Variants in CYP3A43 observed in about 807,000 individuals in gnomAD.
CYP3A43 encodes cytochrome P450 3A43.
CYP3A43 carries 45 observed loss-of-function variants against 58.0 expected under a neutral mutation model. The observed-to-expected ratio is 0.78, with a 90% CI of 0.61 to 0.99. The LOEUF is 0.99. Ranked by LOEUF, CYP3A43 falls within the 50% of genes least tolerant of loss-of-function variation. CYP3A43 has a pLI of 0.00. For synonymous variants in CYP3A43, 191 were observed against 201.4 expected, an observed-to-expected ratio of 0.95 and a Z score of 0.44; for missense variants, 593 against 591.9, an observed-to-expected ratio of 1.00 and a Z score of -0.02.
At chr7:99,854,878 C>T (rs186269887) in intron 7 of CYP3A43, among the ~76,000 whole-genome samples, 239 of 152,040 alleles carry the variant, frequency 1.6e-3, no homozygotes, top group African/African-American at 5.5e-3. Context: ...TCTCTTTTCT[C>T]TCTCTCTCTT....
At position 99,849,607 on chromosome 7, in the gene CYP3A43, TC is replaced by T. The variant is rs755948200; in HGVS notation, c.584del (p.Ser195PhefsTer10). Reference protein sequence around the residue: ...TGTLFGVNLDSLNNPQDPFLK... With the variant: ...TGTLFGVNLDXLNNPQDPFLK... Reference sequence around the variant, plus strand: ...CACATTATTTGGAGTGAACTTGGATTCTCTCAACAATCCACAAGATCCCTTT... The same window carrying T: ...CACATTATTTGGAGTGAACTTGGATTTCTCAACAATCCACAAGATCCCTTT... On this transcript the variant is annotated frameshift_variant, in exon 7 of 13. Coordinates refer to ENST00000354829, the MANE Select transcript of CYP3A43 (RefSeq NM_057095.3). LOFTEE classifies it high-confidence loss of function. The T allele has an allele frequency of 1.9e-6, 3 of 1,613,128 alleles. No individual in the cohort carries two copies. Among genetic ancestry groups the T allele is most frequent in the Admixed American group, 1.7e-5 (1 of 59,818 alleles).
chr7:99,839,108 T>G lies in CYP3A43; in HGVS notation c.166-12T>G. On this transcript the variant is annotated splice_polypyrimidine_tract_variant and intron_variant, in intron 2 of 12. Transcript: ENST00000354829. ...AAATAATACTTGAATTGTATTTTGT[T>G]TCTTCTGCCAGGGTCTTTGGAATTT... is the stretch of plus-strand genomic sequence containing the variant. The G allele has an allele frequency of 6.2e-7, 1 of 1,614,222 alleles. No homozygotes were observed. Among genetic ancestry groups the G allele is most frequent in the Non-Finnish European group, 8.5e-7 (1 of 1,180,024 alleles).
intron 3 of CYP3A43, among the ~76,000 whole-genome samples, chr7:99,842,620 T>G (rs2151600337): frequency 6.6e-6 from 1 of 152,336 alleles, no homozygotes; most frequent in East Asian, 1.9e-4. Context: ...AAAAGTTATC[T>G]TGACTAAATT....
chr7:99,838,750 C>T (rs1207298937), intron 2 of CYP3A43: 1 of 1,019,686 alleles, frequency 9.8e-7, no homozygotes, highest in Non-Finnish European at 1.3e-6. Flanking sequence ...GAGGCTGAAG[C>T]AGGAGGATCA....
chr7:99,844,037 A>G, intron 3 of CYP3A43, 106 bp from the exon 4 acceptor site: 1 of 836,374 alleles, frequency 1.2e-6, no homozygotes, highest in Non-Finnish European at 1.9e-6. Context: ...CACAACTGCA[A>G]GTATGGATGA....
rs1217782184 is a variant in CYP3A43, at chr7:99,861,735, C to A, written c.1149C>A (p.Ile383=). 6.2e-7 allele frequency: 1 copy of A among 1,614,032 alleles called. No individual in the cohort carries two copies. The highest frequency in any genetic ancestry group is 8.5e-7 in the Non-Finnish European group (1 of 1,180,026). ...GAGTCTGCAAGAAAGATATTGAAAT[C>A]AATGGAGTGTTCATTCCCAAAGGGT... ...VTRVCKKDIE[I]NGVFIPKGLA... The change falls in exon 11 of 13, where the codon ATC becomes ATA. Residue 383 remains isoleucine, a synonymous_variant. Coordinates refer to ENST00000354829, the MANE Select transcript of CYP3A43 (RefSeq NM_057095.3).
chr7:99,858,660 GTATTATTATTATTATTATTATTATTAT>G (rs150747464), intron 9 of CYP3A43, among the ~76,000 whole-genome samples: 2 of 142,264 alleles, frequency 1.4e-5, no homozygotes, highest in African/African-American at 2.6e-5. Flanking sequence ...TCTTCCTGCT[GTATTATTATTATTATTATTATTATTAT>G]TATTATTATT....
intron 1 of CYP3A43, among the ~76,000 whole-genome samples, chr7:99,834,373 T>C (rs2151590030): frequency 6.6e-6 from 1 of 152,334 alleles, no homozygotes; most frequent in African/African-American, 2.4e-5. Context: ...ACATCTTTTT[T>C]GATATTTGTG....
Position 99,863,669 on chromosome 7 carries a change from C to T in CYP3A43, c.1386C>T (p.Asn462=). 1 of 1,610,236 alleles carries T rather than the reference C, an allele frequency of 6.2e-7. No individual in the cohort carries two copies. The highest frequency in any genetic ancestry group is 8.5e-7 in the Non-Finnish European group (1 of 1,178,646). ...IKLAVIRALQ[N]FSFKPCKETQ... ...TTGCTGTCATTAGAGCACTGCAGAACTTCTCCTTCAAACCTTGTAAAGAGA... is the reference window on the plus strand; with the variant it reads ...TTGCTGTCATTAGAGCACTGCAGAATTTCTCCTTCAAACCTTGTAAAGAGA... Residue 462 remains asparagine, a synonymous_variant, in exon 12 of 13, where the codon AAC becomes AAT. Coordinates refer to ENST00000354829, the MANE Select transcript of CYP3A43 (RefSeq NM_057095.3).
intron 3 of CYP3A43, 114 bp downstream of exon 3, chr7:99,839,286 A>C (rs1213321658): frequency 1.6e-6 from 2 of 1,248,444 alleles, no homozygotes; most frequent in Non-Finnish European, 2.3e-6. Flanking sequence ...TGTCAACCTA[A>C]GTAACAAACA....
Position 99,836,539 on chromosome 7 carries a change from A to G in CYP3A43, c.158A>G (p.Tyr53Cys), listed in dbSNP as rs758524349. The G allele has an allele frequency of 1.1e-5, 17 of 1,588,226 alleles. No homozygotes were observed. The East Asian group carries it at 3.4e-4, about 31-fold the overall frequency. ...CCTTTTCTGGGAACTATTTTGTTCT[A>G]CCTTAGGGTAAGTGTTATTTGAGCT... ...PLPFLGTILF[Y>C]LRGLWNFDRE... is the part of the protein sequence containing the mutation. The change falls in exon 2 of 13, where the codon TAC (tyrosine) becomes TGC (cysteine). Residue 53 changes from tyrosine to cysteine, a missense_variant. By Grantham distance (194) the Tyr-to-Cys change is radical (BLOSUM62 -2). Transcript: ENST00000354829.
intron 10 of CYP3A43, among the ~76,000 whole-genome samples, chr7:99,861,006 TG>T (rs1000066249): frequency 6.6e-6 from 1 of 152,100 alleles, no homozygotes. Flanking sequence ...CCTGAGTAGC[TG>T]GGATTACAGG....
chr7:99,829,062 G>A (rs1816736317), intron 1 of CYP3A43, among the ~76,000 whole-genome samples: 1 of 152,098 alleles, frequency 6.6e-6, no homozygotes. Flanking sequence ...CTACTTTTTA[G>A]CTTACAATGC....
intron 9 of CYP3A43, among the ~76,000 whole-genome samples, chr7:99,858,798 T>G (rs1397989900): frequency 6.6e-6 from 1 of 151,902 alleles, no homozygotes; most frequent in Admixed American, 6.6e-5. Flanking sequence ...GTTCAAGCAA[T>G]TCTCCTGCCT....
Position 99,836,474 on chromosome 7 carries a change from A to G in CYP3A43, c.93A>G (p.Lys31=). The part of the protein sequence containing the change: ...LLYIYGTHSH[K]LFKKLGIPGP... ...ATAGTTATGGGACCCATTCACATAA[A>G]CTTTTTAAGAAGCTGGGAATTCCTG... The change falls in exon 2 of 13, where the codon AAA becomes AAG. Residue 31 remains lysine (K), a synonymous_variant. Transcript: ENST00000354829. The G allele has an allele frequency of 6.2e-7, 1 of 1,611,100 alleles. No individual in the cohort carries two copies. The highest frequency in any genetic ancestry group is 1.3e-5 in the African/African-American group (1 of 74,636).
chr7:99,841,945 C>T (rs574210967), intron 3 of CYP3A43, among the ~76,000 whole-genome samples: 91 of 152,178 alleles, frequency 6.0e-4, no homozygotes, highest in Non-Finnish European at 7.9e-4. Context: ...AGGCCACCTT[C>T]CCAGCCTCTC....
At chr7:99,857,619 G>T (rs1175071477) in intron 9 of CYP3A43, among the ~76,000 whole-genome samples, 1 of 152,174 alleles carries the variant, frequency 6.6e-6, no homozygotes, top group Non-Finnish European at 1.5e-5. Flanking sequence ...GAGGCAGGTG[G>T]ATCACCTAGG....
At chr7:99,856,811 A>G in intron 8 of CYP3A43, 22 bp from the exon 9 acceptor site, 1 of 1,613,812 alleles carries the variant, frequency 6.2e-7, no homozygotes. Flanking sequence ...TCTGTCATTA[A>G]AATTTCTCTT....
intron 9 of CYP3A43, among the ~76,000 whole-genome samples, chr7:99,858,666 T>G (rs1044410054): frequency 1.5e-4 from 1 of 6,552 alleles, no homozygotes; most frequent in Non-Finnish European, 4.7e-4. Context: ...TGCTGTATTA[T>G]TATTATTATT....
Sources: allele counts gnomAD v4.1 joint callset (sites outside exome capture counted in the v4.1 genomes callset), GRCh38; gene constraint gnomAD v4.1.1; transcripts MANE v1.5; gene names NCBI Gene and HGNC (gene_info 2026-07-23, HGNC 2026-07-21).